Variants in HDAC4 observed in about 807,000 individuals in gnomAD.
The protein encoded by HDAC4 is histone deacetylase A.
HDAC4 carries 16 observed loss-of-function variants against 135.1 expected under a neutral mutation model. The ratio of observed to expected loss-of-function variants is 0.12; its 90% CI spans 0.08 to 0.18. The LOEUF is 0.18. Ranked by LOEUF, HDAC4 falls within the 10% of genes least tolerant of loss-of-function variation. The probability of loss-of-function intolerance (pLI) is 1.00; values close to 1 mark genes in which losing one functional copy is unlikely to be tolerated. For synonymous variants in HDAC4, 685 were observed against 653.4 expected, an observed-to-expected ratio of 1.05 and a Z score of -0.74; for missense variants, 1,143 against 1,511.8, an observed-to-expected ratio of 0.76 and a Z score of 4.05.
At chr2:239,123,278 C>T (rs2039849428) in intron 12 of HDAC4, among the ~76,000 whole-genome samples, 1 of 152,194 alleles carries the variant, frequency 6.6e-6, no homozygotes, top group East Asian at 1.9e-4. Flanking sequence ...TGGCAGGCGC[C>T]CGACACGCCC....
At chr2:239,221,392 C>T (rs1003012627) in intron 3 of HDAC4, among the ~76,000 whole-genome samples, 1 of 152,130 alleles carries the variant, frequency 6.6e-6, no homozygotes, top group African/African-American at 2.4e-5. Context: ...AAGCTAAGAG[C>T]ATCTGGTTAC....
intron 2 of HDAC4, among the ~76,000 whole-genome samples, chr2:239,263,851 G>A (rs573899479): frequency 2.6e-5 from 4 of 152,252 alleles, no homozygotes; most frequent in South Asian, 2.1e-4. Context: ...CCTGCTGCTC[G>A]ATCTAAGCTG....
chr2:239,229,179 T>C (rs1486985766), intron 3 of HDAC4, among the ~76,000 whole-genome samples: 1 of 152,102 alleles, frequency 6.6e-6, no homozygotes, highest in Non-Finnish European at 1.5e-5. Flanking sequence ...AAAAATAAAA[T>C]GAATAAAGTA....
intron 2 of HDAC4, among the ~76,000 whole-genome samples, chr2:239,268,973 A>G (rs1178107771): frequency 6.6e-6 from 1 of 152,214 alleles, no homozygotes; most frequent in Non-Finnish European, 1.5e-5. Context: ...AGAAATCTCA[A>G]GGACCCATCA....
intron 2 of HDAC4, among the ~76,000 whole-genome samples, chr2:239,302,568 G>A (rs2052331882): frequency 6.6e-6 from 1 of 152,226 alleles, no homozygotes; most frequent in South Asian, 2.1e-4. Context: ...AAACACTGCA[G>A]CGGGCGCTGC....
At chr2:239,108,018 C>A (rs374961576) in intron 15 of HDAC4, 32 bp downstream of exon 15, 2 of 1,609,952 alleles carry the variant, frequency 1.2e-6, no homozygotes, top group Non-Finnish European at 1.7e-6. Flanking sequence ...TGCCCAAAGC[C>A]GCAGCTGCCC....
At chr2:239,106,742 A>AG (rs3838509) in intron 15 of HDAC4, among the ~76,000 whole-genome samples, 107,905 of 152,146 alleles carry the variant, frequency 0.71, 40,482 homozygotes, top group South Asian at 0.89. Context: ...CTTCTAAAGG[A>AG]GGGCAGGCGA....
rs761541224 is a variant in HDAC4 at position 239,084,261 on chromosome 2, G to A, written c.2445-19C>T. 13 of 1,588,892 alleles carry A rather than the reference G, an allele frequency of 8.2e-6. No individual in the cohort carries two copies. The highest frequency in any genetic ancestry group is 5.1e-5 in the Admixed American group (3 of 58,758). On this transcript the variant is annotated intron_variant, in intron 19 of 26. Transcript: ENST00000543185. ...AAAGCCCCTGCGGGAGAGAACTGAC[G>A]CTGGAGACGAAGCGCAGGTGGGCGG... is the stretch of plus-strand genomic sequence containing the variant.
chr2:239,233,241 A>G (rs905153076), intron 3 of HDAC4, among the ~76,000 whole-genome samples: 9 of 152,336 alleles, frequency 5.9e-5, no homozygotes, highest in African/African-American at 2.2e-4. Flanking sequence ...AGTTGAAGAA[A>G]TCAAAGTTGA....
intron 24 of HDAC4, among the ~76,000 whole-genome samples, chr2:239,063,345 C>T (rs972062718): frequency 1.3e-4 from 20 of 151,948 alleles, no homozygotes; most frequent in African/African-American, 4.1e-4. Flanking sequence ...GGACTACAGG[C>T]GCCCGCCACT....
intron 2 of HDAC4, among the ~76,000 whole-genome samples, chr2:239,244,247 A>G (rs1451863142): frequency 1.3e-5 from 2 of 152,178 alleles, no homozygotes; most frequent in Admixed American, 1.3e-4. Context: ...GGGCAAAAGG[A>G]CTTGTCTTTT....
chr2:239,293,699 G>A (rs974107406), intron 2 of HDAC4, among the ~76,000 whole-genome samples: 14 of 152,314 alleles, frequency 9.2e-5, no homozygotes, highest in East Asian at 1.9e-4. Flanking sequence ...CAGCTGATGC[G>A]CTTCTAGCTG....
chr2:239,310,173 A>G (rs2125700834), intron 2 of HDAC4, among the ~76,000 whole-genome samples: 1 of 152,370 alleles, frequency 6.6e-6, no homozygotes, highest in East Asian at 1.9e-4. Context: ...CGTTCTGCCC[A>G]AGTGCAAGTG....
chr2:239,228,540 G>A (rs1201479540), intron 3 of HDAC4, among the ~76,000 whole-genome samples: 1 of 152,168 alleles, frequency 6.6e-6, no homozygotes, highest in Non-Finnish European at 1.5e-5. Flanking sequence ...ACAGATCTGA[G>A]GGGAAGGAGA....
rs886997526 is a variant in HDAC4 at position 239,307,097 on chromosome 2, C to T, written c.22+45581G>A. 8.5e-5 allele frequency among the ~76,000 whole-genome samples: 13 copies of T among 152,242 alleles called. No individual in the cohort carries two copies. The highest frequency in any genetic ancestry group is 3.3e-4 in the Admixed American group (5 of 15,306). On this transcript the variant is annotated intron_variant, in intron 2 of 26. Transcript: ENST00000543185. The surrounding 1 kb of genome is among the most constrained non-coding windows in gnomAD (Gnocchi z 4.8). ...AGAGGCCCGAGTCGTCCGGATGGCC[C>T]ATCTCAGGCCACACCCTCCAGCTCT...
Position 239,115,607 on chromosome 2 carries a change from C to T in HDAC4, c.1534-297G>A, listed in dbSNP as rs1159681072. On this transcript the variant is annotated intron_variant, in intron 12 of 26. Coordinates refer to ENST00000543185, the MANE Select transcript of HDAC4 (RefSeq NM_001378414.1). The surrounding 1 kb of genome is among the most constrained non-coding windows in gnomAD (Gnocchi z 6.3). Reference sequence around the variant, plus strand: ...TAAGCACCTCTTCTGTGTCAGGCACCGAGAAACAGAAAAGAAGCTGCAGGT... The same window carrying T: ...TAAGCACCTCTTCTGTGTCAGGCACTGAGAAACAGAAAAGAAGCTGCAGGT... Among the ~76,000 whole-genome samples the T allele has an allele frequency of 2.0e-5, 3 of 152,062 alleles. No homozygotes were observed. Among genetic ancestry groups the T allele is most frequent in the Non-Finnish European group, 4.4e-5 (3 of 68,002 alleles).
At chr2:239,334,453 G>A (rs781224128) in intron 2 of HDAC4, among the ~76,000 whole-genome samples, 58 of 152,170 alleles carry the variant, frequency 3.8e-4, no homozygotes, top group Admixed American at 3.5e-3. Flanking sequence ...CCTGGGAGGC[G>A]GAGGTTGCAG....
chr2:239,078,163 C>A (rs1243576089), intron 22 of HDAC4, among the ~76,000 whole-genome samples: 1 of 152,212 alleles, frequency 6.6e-6, no homozygotes, highest in African/African-American at 2.4e-5. Flanking sequence ...CCACCCCCAG[C>A]GGCTCAGACT....
In HDAC4 at chr2:239,052,131, T is replaced by C. The variant is rs1220975965; in HGVS notation, c.*966A>G. On this transcript the variant is annotated 3_prime_UTR_variant, in exon 27 of 27. Coordinates refer to ENST00000543185, the MANE Select transcript of HDAC4 (RefSeq NM_001378414.1). ...ACACTTTGGATTCGTTTAAAATTTG[T>C]TGGACTTCAAAACCTCCAACGGGAT... 2 of 152,554 alleles carry C rather than the reference T, an allele frequency of 1.3e-5. No individual in the cohort carries two copies. The highest frequency in any genetic ancestry group is 4.8e-5 in the African/African-American group (2 of 41,448). 9.5% of individuals were successfully genotyped at this position (152,554 alleles called of 1,614,324 possible). A position where few individuals can be genotyped will look rare whatever the true frequency, so the allele number is the denominator to read the frequency against.
Sources: gnomAD v4.1 joint callset for allele counts (sites outside exome capture counted in the v4.1 genomes callset) on GRCh38, gnomAD v4.1.1 for gene constraint, Gnocchi (gnomAD v3.1) non-coding constraint, MANE v1.5 for transcripts, NCBI Gene and HGNC (gene_info 2026-07-23, HGNC 2026-07-21) for gene names.